The following MTHFD1L variants were observed in gnomAD, a reference collection of about 807,000 sequenced individuals.
MTHFD1L encodes the protein monofunctional C1-tetrahydrofolate synthase, mitochondrial.
MTHFD1L carries 81 observed loss-of-function variants against 119.5 expected under a neutral mutation model. That is an observed-to-expected ratio of 0.68 (90% CI 0.57 to 0.82). The LOEUF (loss-of-function observed/expected upper bound fraction) is 0.82, where lower values mean the gene tolerates loss of function less well. MTHFD1L is among the 40% of genes least tolerant of loss of function. The pLI, the probability that MTHFD1L is intolerant of heterozygous loss-of-function variation, is 0.00. For synonymous variants in MTHFD1L, 430 were observed against 475.2 expected (o/e 0.90, Z 1.24); for missense variants, 1,125 against 1,253.4 (o/e 0.90, Z 1.55).
chr6:151,046,192 T>C (rs1475681284), intron 26 of MTHFD1L, among the ~76,000 whole-genome samples: 1 of 152,062 alleles, frequency 6.6e-6, no homozygotes, highest in Non-Finnish European at 1.5e-5. Flanking sequence ...AGTAATAATG[T>C]TGCCAGGTAC....
At chr6:151,078,311 G>T (rs183027576) in intron 26 of MTHFD1L, among the ~76,000 whole-genome samples, 1 of 152,176 alleles carries the variant, frequency 6.6e-6, no homozygotes, top group Middle Eastern at 3.4e-3. Flanking sequence ...AGGTGTGGTG[G>T]CCTGTAGTCC....
chr6:150,881,175 T>G (rs1250476458), intron 4 of MTHFD1L, among the ~76,000 whole-genome samples: 2 of 152,226 alleles, frequency 1.3e-5, no homozygotes, highest in African/African-American at 4.8e-5. Flanking sequence ...ACCAATGTCA[T>G]GAAGCATTTC....
intron 27 of MTHFD1L, chr6:151,100,039 T>C (rs1256160873): frequency 7.9e-6 from 5 of 631,746 alleles, no homozygotes; most frequent in Non-Finnish European, 1.3e-5. Flanking sequence ...CTTTTCTTTT[T>C]TTTTTTTTTT....
intron 26 of MTHFD1L, among the ~76,000 whole-genome samples, chr6:151,070,407 T>C (rs1324015612): frequency 1.3e-5 from 2 of 152,244 alleles, no homozygotes; most frequent in African/African-American, 4.8e-5. Flanking sequence ...CTTCTCTCTT[T>C]CAGTTGCCAT....
chr6:151,083,343 A>T (rs1036150282), intron 26 of MTHFD1L, among the ~76,000 whole-genome samples: 4 of 152,068 alleles, frequency 2.6e-5, no homozygotes, highest in African/African-American at 9.7e-5. Flanking sequence ...GATTACAGGC[A>T]CCTGCCACCA....
intron 26 of MTHFD1L, among the ~76,000 whole-genome samples, chr6:151,079,682 T>C (rs1488231212): frequency 6.6e-6 from 1 of 150,874 alleles, no homozygotes; most frequent in African/African-American, 2.4e-5. Flanking sequence ...AGAGACGGAG[T>C]TTCACCATGT....
At chr6:150,973,487 C>A (rs1583887854) in intron 20 of MTHFD1L, among the ~76,000 whole-genome samples, 1 of 152,106 alleles carries the variant, frequency 6.6e-6, no homozygotes, top group African/African-American at 2.4e-5. Flanking sequence ...GAGGCTGGGT[C>A]AGGGCGGGCA....
chr6:151,080,982 C>A (rs1226610231), intron 26 of MTHFD1L, among the ~76,000 whole-genome samples: 1 of 152,164 alleles, frequency 6.6e-6, no homozygotes, highest in Non-Finnish European at 1.5e-5. Flanking sequence ...TGGCTCCCTA[C>A]AGCCTCGACT....
chr6:150,913,245 C>T (rs1176195567), intron 8 of MTHFD1L, among the ~76,000 whole-genome samples: 1 of 152,072 alleles, frequency 6.6e-6, no homozygotes, highest in Non-Finnish European at 1.5e-5. Context: ...ACTGCAAGCT[C>T]CGCCTCCCGG....
chr6:151,045,916 C>T (rs1787938840), intron 26 of MTHFD1L, among the ~76,000 whole-genome samples: 1 of 152,194 alleles, frequency 6.6e-6, no homozygotes, highest in African/African-American at 2.4e-5. Context: ...AAGGAGTCAT[C>T]CCTGTCTCCT....
intron 16 of MTHFD1L, among the ~76,000 whole-genome samples, chr6:150,952,750 G>A (rs1795038498): frequency 6.6e-6 from 1 of 152,026 alleles, no homozygotes; most frequent in Non-Finnish European, 1.5e-5. Context: ...GGATGGTCTC[G>A]ATTTCCTGAC....
chr6:150,876,846 C>T (rs1780531060), intron 2 of MTHFD1L, among the ~76,000 whole-genome samples: 1 of 152,198 alleles, frequency 6.6e-6, no homozygotes, highest in Non-Finnish European at 1.5e-5. Flanking sequence ...GCCTCTGGTT[C>T]CACCGTGCTG....
chr6:150,936,725 T>G, intron 11 of MTHFD1L, 79 bp from the exon 12 acceptor site: 1 of 1,516,686 alleles, frequency 6.6e-7, no homozygotes, highest in Non-Finnish European at 9.0e-7. Context: ...CCCTCAGATT[T>G]GATTCTGGTG....
At chr6:150,935,353 A>G in intron 11 of MTHFD1L, 4 of 1,613,698 alleles carry the variant, frequency 2.5e-6, no homozygotes, top group Non-Finnish European at 2.5e-6. Context: ...GAGTCCCTGT[A>G]CTTATAGTTG....
intron 8 of MTHFD1L, 78 bp from the exon 9 acceptor site, chr6:150,918,499 G>T: frequency 2.0e-6 from 2 of 993,944 alleles, no homozygotes; most frequent in Non-Finnish European, 1.6e-6. Context: ...TATTCAGTGT[G>T]CTAGCTGTTT....
intron 19 of MTHFD1L, among the ~76,000 whole-genome samples, chr6:150,965,426 C>T (rs1055346962): frequency 2.0e-5 from 3 of 151,962 alleles, no homozygotes; most frequent in East Asian, 1.9e-4. Context: ...TTTGTGAGGC[C>T]GAGGTGGGCG....
At chr6:151,040,234 A>C (rs771923761) in intron 26 of MTHFD1L, among the ~76,000 whole-genome samples, 1 of 152,244 alleles carries the variant, frequency 6.6e-6, no homozygotes, top group African/African-American at 2.4e-5. Flanking sequence ...CACTCGGCCA[A>C]TGCTGCATAA....
intron 26 of MTHFD1L, among the ~76,000 whole-genome samples, chr6:151,088,859 A>G (rs896367502): frequency 1.3e-5 from 2 of 152,164 alleles, no homozygotes; most frequent in African/African-American, 4.8e-5. Flanking sequence ...AACCGCACAA[A>G]TCCTGCATCG....
At chr6:151,090,316 A>G (rs1794258012) in intron 26 of MTHFD1L, among the ~76,000 whole-genome samples, 1 of 152,070 alleles carries the variant, frequency 6.6e-6, no homozygotes, top group Admixed American at 6.5e-5. Flanking sequence ...CCTGTGCTGA[A>G]GGGGCTGGGC....
Sources: allele counts gnomAD v4.1 joint callset (sites outside exome capture counted in the v4.1 genomes callset), GRCh38; gene constraint gnomAD v4.1.1; transcripts MANE v1.5; gene names NCBI Gene and HGNC (gene_info 2026-07-23, HGNC 2026-07-21).